DNHD1: variants seen among roughly 807,000 people sequenced by gnomAD.
The protein encoded by DNHD1 is dynein heavy chain domain-containing protein 1.
A neutral mutation model predicts 458.1 loss-of-function variants in DNHD1; 383 were observed. The observed-to-expected ratio is 0.84, with a 90% CI of 0.77 to 0.91. DNHD1 has a LOEUF of 0.91. Among genes scored for constraint, DNHD1 ranks in the 40% least tolerant of loss-of-function variants. The pLI is 0.00. For synonymous variants in DNHD1, 2,203 were observed against 2,376.9 expected, an observed-to-expected ratio of 0.93 and a Z score of 2.13; for missense variants, 5,336 against 5,866.1, an observed-to-expected ratio of 0.91 and a Z score of 2.95.
intron 6 of DNHD1, 48 bp downstream of exon 6, chr11:6,509,320 T>C: frequency 6.7e-7 from 1 of 1,502,340 alleles, no homozygotes; most frequent in Non-Finnish European, 9.1e-7. Context: ...AAATTAGTTT[T>C]ACTAAAGGTA....
chr11:6,537,967 C>G (rs896798614), intron 14 of DNHD1, among the ~76,000 whole-genome samples: 1 of 152,060 alleles, frequency 6.6e-6, no homozygotes, highest in African/African-American at 2.4e-5. Flanking sequence ...TGAACAAGGA[C>G]TTGAAGCTGG....
Position 6,508,643 on chromosome 11 carries a change from T to G in DNHD1, c.921-237T>G. The G allele has an allele frequency of 5.9e-6, 3 of 507,342 alleles. No individual in the cohort carries two copies. In the South Asian group the frequency reaches 7.8e-5, roughly 13 times the overall value. 31.4% of individuals were successfully genotyped at this position (507,342 alleles called of 1,614,324 possible). ...ATCTGCATTTGAAGATATGAACTTC[T>G]TGGAGCTGGCTAGGTGCCTTTTTCT... On this transcript the variant is annotated intron_variant, in intron 4 of 42. Transcript: ENST00000254579.
intron 17 of DNHD1, 121 bp downstream of exon 17, chr11:6,539,434 C>CCT: frequency 2.7e-6 from 2 of 738,214 alleles, no homozygotes; most frequent in Non-Finnish European, 4.6e-6. Flanking sequence ...GCTAACCTGC[C>CCT]TGAAGGGCAG....
Position 6,567,664 on chromosome 11 carries a change from T to C in DNHD1, c.12155T>C (p.Leu4052Pro). 6.2e-7 allele frequency: 1 copy of C among 1,613,906 alleles called. No individual in the cohort carries two copies. Among genetic ancestry groups the C allele is most frequent in the South Asian group, 1.1e-5 (1 of 91,092 alleles). Reference sequence around the variant, plus strand: ...TGGCGCGTTCTGCGACCTGAGTGCCTGGCAGGTGCCCTGGCAGACTTCACC... The same window carrying C: ...TGGCGCGTTCTGCGACCTGAGTGCCCGGCAGGTGCCCTGGCAGACTTCACC... ...ILWRVLRPEC[L>P]AGALADFTTS... is the part of the protein sequence containing the mutation. The change falls in exon 36 of 43, where the codon CTG becomes CCG. Residue 4052 changes from leucine to proline, a missense_variant. Physicochemically the swap from Leu to Pro is moderately conservative, Grantham distance 98. This residue lies in a region of DNHD1 where 695 missense variants were observed against 804.2 expected (regional missense o/e 0.86). Coordinates refer to ENST00000254579, the MANE Select transcript of DNHD1 (RefSeq NM_144666.3).
chr11:6,545,482 G>T lies in DNHD1; in HGVS notation c.4543G>T (p.Glu1515Ter). 6.4e-7 allele frequency: 1 copy of T among 1,551,846 alleles called. No individual in the cohort carries two copies. ...AFPWQCVLVA[E>*]EVVWRAEMEE... ...CCCATGGCAGTGTGTGCTGGTGGCA[G>T]AGGAGGTGGTATGGCGGGCCGAGAT... The change falls in exon 21 of 43, where the codon GAG (glutamate) becomes TAG (stop). Residue 1515 changes from glutamate (E) to a stop codon, truncating the protein, a stop_gained. Transcript: ENST00000254579. LOFTEE classifies it high-confidence loss of function. This position sits in a 1 kb window ranked among gnomAD's most constrained non-coding sequence, Gnocchi z 4.9.
In DNHD1 at chr11:6,568,056, G is replaced by T; in HGVS notation, c.12352G>T (p.Gly4118Trp). Reference protein sequence around the residue: ...IQKLAAKYQQGQKQLQVIALG... With the variant: ...IQKLAAKYQQWQKQLQVIALG... Reference sequence around the variant, plus strand: ...CTGCCATCTCTTTTTTGGTCCCCAGGGGCAGAAGCAACTGCAGGTGATAGC... The same window carrying T: ...CTGCCATCTCTTTTTTGGTCCCCAGTGGCAGAAGCAACTGCAGGTGATAGC... The change falls in exon 37 of 43, where the codon GGG becomes TGG. Residue 4118 changes from glycine to tryptophan, a missense_variant and splice_region_variant. By Grantham distance (184) the Gly-to-Trp change is radical (BLOSUM62 -2). This residue lies in a region of DNHD1 where 695 missense variants were observed against 804.2 expected (regional missense o/e 0.86). Coordinates refer to ENST00000254579, the MANE Select transcript of DNHD1 (RefSeq NM_144666.3). The T allele has an allele frequency of 6.4e-7, 1 of 1,564,320 alleles. No individual in the cohort carries two copies. The highest frequency in any genetic ancestry group is 8.7e-7 in the Non-Finnish European group (1 of 1,153,282).
rs1481162273 is a variant in DNHD1, at chr11:6,545,252, T to G, written c.4313T>G (p.Leu1438Arg). 11 of 1,551,760 alleles carry G rather than the reference T, an allele frequency of 7.1e-6. No individual in the cohort carries two copies. The East Asian group carries it at 2.7e-4, about 38-fold the overall frequency. The change falls in exon 21 of 43, where the codon CTT becomes CGT. Residue 1438 changes from leucine to arginine, a missense_variant. By Grantham distance (102) the Leu-to-Arg change is moderately radical. Around this residue, in one of 4 missense-constraint regions of DNHD1, gnomAD observed 3,932 missense variants for 4,365.6 expected, o/e 0.90. Coordinates refer to ENST00000254579, the MANE Select transcript of DNHD1 (RefSeq NM_144666.3). This position sits in a 1 kb window ranked among gnomAD's most constrained non-coding sequence, Gnocchi z 4.9. ...GAGGAGGTGAAGCTGCAGGGTCCCC[T>G]TCCTCTGCATCCAGATCTCCCTAAG... ...GGEEVKLQGP[L>R]PLHPDLPKWL... is the part of the protein sequence containing the mutation.
rs1326600226 is a variant in DNHD1 at position 6,567,803 on chromosome 11, C to T, written c.12294C>T (p.Pro4098=). ...TCTTGTTGCCACCGCCTGGCCACCC[C>T]TCAGCCACTCTGCATCCTCTGACTG... is the stretch of plus-strand genomic sequence containing the variant. ...MLILLPPPGH[P]SATLHPLTVI... is the part of the protein sequence containing the mutation. Residue 4098 remains proline, a synonymous_variant, in exon 36 of 43, where the codon CCC becomes CCT. Coordinates refer to ENST00000254579, the MANE Select transcript of DNHD1 (RefSeq NM_144666.3). 1.1e-5 allele frequency: 17 copies of T among 1,613,724 alleles called. No individual in the cohort carries two copies. Among genetic ancestry groups the T allele is most frequent in the Non-Finnish European group, 1.1e-5 (13 of 1,179,906 alleles).
intron 10 of DNHD1, chr11:6,520,558 A>G (rs2134396121): frequency 7.8e-7 from 1 of 1,282,066 alleles, no homozygotes; most frequent in Non-Finnish European, 9.9e-7. Context: ...TCCAAACCTG[A>G]TTCATCCCAA....
chr11:6,528,919 T>C lies in DNHD1; in HGVS notation c.2145T>C (p.His715=), dbSNP rs370946343. The C allele has an allele frequency of 1.9e-4, 295 of 1,551,746 alleles. 1 individual carries two copies. The African/African-American group carries it at 2.2e-3, about 11-fold the overall frequency. Residue 715 remains histidine, a synonymous_variant, in exon 12 of 43, where the codon CAT becomes CAC. Coordinates refer to ENST00000254579, the MANE Select transcript of DNHD1 (RefSeq NM_144666.3). Reference sequence around the variant, plus strand: ...TGCAGGAATTCTGCAGGGAACATCATTGGATAACAGGCATTTATGAATTCC... The same window carrying C: ...TGCAGGAATTCTGCAGGGAACATCACTGGATAACAGGCATTTATGAATTCC... ...CKVQEFCREH[H]WITGIYEFLQ...
chr11:6,504,518 C>T (rs899327759), intron 4 of DNHD1, among the ~76,000 whole-genome samples: 14 of 152,188 alleles, frequency 9.2e-5, no homozygotes, highest in African/African-American at 2.9e-4. Context: ...GGCATGATCT[C>T]GGCTCACAGC....
At position 6,520,113 on chromosome 11, in the gene DNHD1, T is replaced by A; in HGVS notation, c.1785+11T>A. On this transcript the variant is annotated intron_variant, in intron 9 of 42. Coordinates refer to ENST00000254579, the MANE Select transcript of DNHD1 (RefSeq NM_144666.3). ...ACCTCTGCCTTGCAGGTATTCTGAATTGGGCAGAGAGCTGGCTGTGGGAAT... is the reference window on the plus strand; with the variant it reads ...ACCTCTGCCTTGCAGGTATTCTGAAATGGGCAGAGAGCTGGCTGTGGGAAT... The A allele has an allele frequency of 6.2e-7, 1 of 1,614,178 alleles. No individual in the cohort carries two copies. The highest frequency in any genetic ancestry group is 8.5e-7 in the Non-Finnish European group (1 of 1,180,034).
chr11:6,540,720 C>T (rs1257751343), intron 18 of DNHD1, among the ~76,000 whole-genome samples: 1 of 152,148 alleles, frequency 6.6e-6, no homozygotes, highest in Non-Finnish European at 1.5e-5. Flanking sequence ...CCAAACTTGC[C>T]AGGTGAGAAG....
Position 6,571,385 on chromosome 11 carries a change from A to C in DNHD1, c.13873A>C (p.Lys4625Gln). The change falls in exon 42 of 43, where the codon AAA becomes CAA. Residue 4625 changes from lysine (K) to glutamine (Q), a missense_variant. Transcript: ENST00000254579. This position sits in a 1 kb window ranked among gnomAD's most constrained non-coding sequence, Gnocchi z 5.0. ...RGSVSSQLQY[K>Q]RLEMNSNPLH... ...CTCGGTCTCCAGTCAGCTCCAGTAT[A>C]AACGTCTGGAGATGAACAGCAACCC... is the stretch of plus-strand genomic sequence containing the variant. 6.2e-7 allele frequency: 1 copy of C among 1,610,860 alleles called. No individual in the cohort carries two copies. Among genetic ancestry groups the C allele is most frequent in the Non-Finnish European group, 8.5e-7 (1 of 1,178,284 alleles).
chr11:6,511,249 G>T, intron 6 of DNHD1, 24 bp from the exon 7 acceptor site: 1 of 1,612,174 alleles, frequency 6.2e-7, no homozygotes, highest in South Asian at 1.1e-5. Flanking sequence ...TGCCAGCTCT[G>T]ACCAGCTTAG....
chr11:6,567,271 G>A lies in DNHD1; in HGVS notation c.11762G>A (p.Ser3921Asn). ...CACCTGACCCGCCAGCTGCTGGGCA[G>A]CACCGTGACTGCACTGGGCCTTACC... is the stretch of plus-strand genomic sequence containing the variant. ...RAHLTRQLLG[S>N]TVTALGLTQV... Residue 3921 changes from serine to asparagine, a missense_variant, in exon 36 of 43, where the codon AGC becomes AAC. Ser to Asn is a conservative substitution (Grantham distance 46). Around this residue, in one of 4 missense-constraint regions of DNHD1, gnomAD observed 695 missense variants for 804.2 expected, o/e 0.86. Transcript: ENST00000254579. The A allele has an allele frequency of 1.9e-6, 3 of 1,614,046 alleles. No individual in the cohort carries two copies. The highest frequency in any genetic ancestry group is 2.5e-6 in the Non-Finnish European group (3 of 1,179,910).
intron 16 of DNHD1, 67 bp downstream of exon 16, chr11:6,538,877 C>T: frequency 7.4e-7 from 1 of 1,349,402 alleles, no homozygotes; most frequent in Non-Finnish European, 9.9e-7. Context: ...TGCAGCAACT[C>T]AGTTTCCTGC....
chr11:6,503,055 C>T (rs1419122251), intron 4 of DNHD1, 129 bp downstream of exon 4: 5 of 1,001,938 alleles, frequency 5.0e-6, no homozygotes, highest in Non-Finnish European at 7.1e-6. Flanking sequence ...TCCTCTGACT[C>T]TAGTGTCCCT....
At chr11:6,509,328 GTAA>G in intron 6 of DNHD1, 56 bp downstream of exon 6, 1 of 1,439,398 alleles carries the variant, frequency 6.9e-7, no homozygotes, top group Non-Finnish European at 9.5e-7. Flanking sequence ...TTTACTAAAG[GTAA>G]TAGTATGTTT....
Sources: allele counts gnomAD v4.1 joint callset (sites outside exome capture counted in the v4.1 genomes callset), GRCh38; gene constraint gnomAD v4.1.1; regional missense constraint gnomAD v4.1.1; non-coding constraint Gnocchi (gnomAD v3.1); transcripts MANE v1.5; gene names NCBI Gene and HGNC (gene_info 2026-07-23, HGNC 2026-07-21).